Variants in CRTC1 observed in about 807,000 individuals in gnomAD.
The protein encoded by CRTC1 is CREB-regulated transcription coactivator 1.
CRTC1 carries 18 observed loss-of-function variants against 66.1 expected under a neutral mutation model. That is an observed-to-expected ratio of 0.27 (90% CI 0.19 to 0.40). The LOEUF is 0.40. Ranked by LOEUF, CRTC1 falls within the 10% of genes least tolerant of loss-of-function variation. The pLI, the probability that CRTC1 is intolerant of heterozygous loss-of-function variation, is 1.00. For synonymous variants in CRTC1, 416 were observed against 398.8 expected, an observed-to-expected ratio of 1.04 and a Z score of -0.51; for missense variants, 669 against 887.9, an observed-to-expected ratio of 0.75 and a Z score of 3.13.
rs552289373 is a variant in CRTC1, at chr19:18,731,901, C to T, written c.127-11009C>T. ...CGCACACTGGAGCCCGACCCAGGAA[C>T]CCCCTCTCCTCACCCACCCTGCACC... On this transcript the variant is annotated intron_variant, in intron 1 of 13. Coordinates refer to ENST00000321949, the MANE Select transcript of CRTC1 (RefSeq NM_015321.3). Among the ~76,000 whole-genome samples the T allele has an allele frequency of 2.0e-5, 3 of 152,334 alleles. No homozygotes were observed. The South Asian group carries it at 6.2e-4, about 32-fold the overall frequency.
chr19:18,764,445 T>C (rs2054684291), intron 8 of CRTC1, among the ~76,000 whole-genome samples: 1 of 152,248 alleles, frequency 6.6e-6, no homozygotes, highest in Non-Finnish European at 1.5e-5. Context: ...TCGAGGGGCC[T>C]GTTGCCTGCC....
chr19:18,687,712 C>A (rs529277439), intron 1 of CRTC1, among the ~76,000 whole-genome samples: 2 of 152,266 alleles, frequency 1.3e-5, no homozygotes, highest in East Asian at 3.9e-4. Context: ...TTCACAGTTG[C>A]CGGTGGTGAT....
chr19:18,706,135 A>G (rs1476513822), intron 1 of CRTC1, among the ~76,000 whole-genome samples: 2 of 127,918 alleles, frequency 1.6e-5, no homozygotes, highest in African/African-American at 6.0e-5. Context: ...TCACTTGACC[A>G]TATATGTGAC....
At chr19:18,749,760 C>G in intron 4 of CRTC1, 21 bp from the exon 5 acceptor site, 3 of 1,603,816 alleles carry the variant, frequency 1.9e-6, no homozygotes, top group East Asian at 2.2e-5. Flanking sequence ...GGCTCATTGT[C>G]TCTTCCTCCC....
Position 18,780,230 on chromosome 19 carries a change from A to G in CRTC1, c.*2848A>G. 1 of 231,718 alleles carries G rather than the reference A, an allele frequency of 4.3e-6. No individual in the cohort carries two copies. 14.4% of individuals were successfully genotyped at this position (231,718 alleles called of 1,614,324 possible). A position where few individuals can be genotyped will look rare whatever the true frequency, so the allele number is the denominator to read the frequency against. On this transcript the variant is annotated 3_prime_UTR_variant, in exon 14 of 14. Coordinates refer to ENST00000321949, the MANE Select transcript of CRTC1 (RefSeq NM_015321.3). The stretch of plus-strand genomic sequence containing the variant: ...CACTGGGTTAGAGGCTGCTCTCCCC[A>G]CGCACCCATGTGCTCATGGCTTCTG...
chr19:18,742,468 G>C (rs1465666742), intron 1 of CRTC1, among the ~76,000 whole-genome samples: 2 of 152,232 alleles, frequency 1.3e-5, no homozygotes, highest in African/African-American at 2.4e-5. Context: ...CCACGCTTCT[G>C]AGACAGCTTC....
intron 8 of CRTC1, among the ~76,000 whole-genome samples, chr19:18,763,225 C>T (rs147734488): frequency 3.7e-3 from 568 of 152,240 alleles, no homozygotes; most frequent in African/African-American, 0.013. Context: ...GTCAACCTCC[C>T]GAGTAGCTGG....
At chr19:18,717,661 G>A (rs1050187003) in intron 1 of CRTC1, among the ~76,000 whole-genome samples, 1 of 152,166 alleles carries the variant, frequency 6.6e-6, no homozygotes, top group African/African-American at 2.4e-5. Flanking sequence ...CCTACAGTGA[G>A]TATGGGCGGG....
rs778427146 is a variant in CRTC1 at position 18,760,739 on chromosome 19, A to G, written c.886+511A>G. On this transcript the variant is annotated intron_variant, in intron 8 of 13. Coordinates refer to ENST00000321949, the MANE Select transcript of CRTC1 (RefSeq NM_015321.3). This position sits in a 1 kb window ranked among gnomAD's most constrained non-coding sequence, Gnocchi z 6.2. Reference sequence around the variant, plus strand: ...TCGCACAGGCCCCTCGCCCGTCCCAATAGCTCCTGGCGCTGCTGCCGCCCT... The same window carrying G: ...TCGCACAGGCCCCTCGCCCGTCCCAGTAGCTCCTGGCGCTGCTGCCGCCCT... Among the ~76,000 whole-genome samples, 3 of 151,958 alleles carry G rather than the reference A, an allele frequency of 2.0e-5. No individual in the cohort carries two copies. The highest frequency in any genetic ancestry group is 7.3e-5 in the African/African-American group (3 of 41,330).
At chr19:18,745,699 C>T (rs1406678862) in intron 2 of CRTC1, 124 bp from the exon 3 acceptor site, 94 of 1,241,476 alleles carry the variant, frequency 7.6e-5, no homozygotes, top group Non-Finnish European at 1.0e-4. Flanking sequence ...GGCTGTGGAG[C>T]GATGGCCGAG....
At chr19:18,726,297 G>A (rs1243447033) in intron 1 of CRTC1, among the ~76,000 whole-genome samples, 1 of 152,210 alleles carries the variant, frequency 6.6e-6, no homozygotes, top group Non-Finnish European at 1.5e-5. Context: ...GACGTGTGCC[G>A]GCCTCGCTTC....
chr19:18,757,851 C>A (rs1024590771), intron 6 of CRTC1, among the ~76,000 whole-genome samples: 1 of 151,144 alleles, frequency 6.6e-6, no homozygotes, highest in African/African-American at 2.4e-5. Flanking sequence ...CCCGTCTCTA[C>A]TAAAAATACA....
In CRTC1 at chr19:18,750,485, C is replaced by A. The variant is rs956278665; in HGVS notation, c.538+610C>A. 4.6e-5 allele frequency among the ~76,000 whole-genome samples: 7 copies of A among 152,200 alleles called. No homozygotes were observed. In the East Asian group the frequency reaches 1.2e-3, roughly 25 times the overall value. ...TCCAATTTGAAGCCGGGCGTGGAGGCGGCACCCTGGGAACCTTCAAGGAGG... is the reference window on the plus strand; with the variant it reads ...TCCAATTTGAAGCCGGGCGTGGAGGAGGCACCCTGGGAACCTTCAAGGAGG... On this transcript the variant is annotated intron_variant, in intron 5 of 13. Coordinates refer to ENST00000321949, the MANE Select transcript of CRTC1 (RefSeq NM_015321.3).
intron 11 of CRTC1, among the ~76,000 whole-genome samples, chr19:18,774,366 C>T (rs2054936344): frequency 6.6e-6 from 1 of 152,238 alleles, no homozygotes; most frequent in South Asian, 2.1e-4. Context: ...GTCCTGCAGG[C>T]TGGCAGCCCT....
Position 18,771,049 on chromosome 19 carries a change from GGTAT to G in CRTC1, c.1321-388_1321-385del, listed in dbSNP as rs1321528010. ...GCACATGTGTGGGTGTGCATGTGTG[GGTAT>G]GTATATTCTAGTGTGGATATGTGTA... On this transcript the variant is annotated intron_variant, in intron 10 of 13. Coordinates refer to ENST00000321949, the MANE Select transcript of CRTC1 (RefSeq NM_015321.3). This position sits in a 1 kb window ranked among gnomAD's most constrained non-coding sequence, Gnocchi z 4.6. Among the ~76,000 whole-genome samples, 1 of 151,414 alleles carries G rather than the reference GGTAT, an allele frequency of 6.6e-6. No individual in the cohort carries two copies. The highest frequency in any genetic ancestry group is 1.5e-5 in the Non-Finnish European group (1 of 67,834).
At chr19:18,699,829 A>T (rs953570988) in intron 1 of CRTC1, among the ~76,000 whole-genome samples, 1 of 152,040 alleles carries the variant, frequency 6.6e-6, no homozygotes, top group Non-Finnish European at 1.5e-5. Context: ...CTTTGCAAGG[A>T]TCCCATTGGC....
In CRTC1 at chr19:18,768,907, C is replaced by T. The variant is rs566795858; in HGVS notation, c.1320+114C>T. On this transcript the variant is annotated intron_variant, in intron 10 of 13. Transcript: ENST00000321949. This position sits in a 1 kb window ranked among gnomAD's most constrained non-coding sequence, Gnocchi z 5.6. ...CATGGGCCAGGGGTCAGAACCCCAG[C>T]GAACGCTGCCTGGGCCCACCTCTCC... 1.9e-5 allele frequency: 25 copies of T among 1,332,636 alleles called. No homozygotes were observed. Among genetic ancestry groups the T allele is most frequent in the African/African-American group, 4.6e-5 (3 of 65,240 alleles). 82.6% of individuals were successfully genotyped at this position (1,332,636 alleles called of 1,614,324 possible). A position where few individuals can be genotyped will look rare whatever the true frequency, so the allele number is the denominator to read the frequency against.
chr19:18,691,110 G>A (rs2145475450), intron 1 of CRTC1, among the ~76,000 whole-genome samples: 1 of 151,380 alleles, frequency 6.6e-6, no homozygotes, highest in South Asian at 2.1e-4. Flanking sequence ...GCCGAGGCAG[G>A]AGGATTGTTT....
rs757153161 is a variant in CRTC1, at chr19:18,771,391, C to T, written c.1321-51C>T. On this transcript the variant is annotated intron_variant, in intron 10 of 13. Transcript: ENST00000321949. This position sits in a 1 kb window ranked among gnomAD's most constrained non-coding sequence, Gnocchi z 4.6. ...TGCTCCCGGGAAGCAGGGACTGGAG[C>T]CCGGGCTTGGGCAGCTGGGCTGCGG... 4 of 1,503,148 alleles carry T rather than the reference C, an allele frequency of 2.7e-6. No individual in the cohort carries two copies. Among genetic ancestry groups the T allele is most frequent in the Non-Finnish European group, 3.6e-6 (4 of 1,104,414 alleles). The allele number at this position is 1,503,148 out of a possible 1,614,324, so 93.1% of individuals were successfully genotyped here.
Sources: allele counts gnomAD v4.1 joint callset (sites outside exome capture counted in the v4.1 genomes callset), GRCh38; gene constraint gnomAD v4.1.1; non-coding constraint Gnocchi (gnomAD v3.1); transcripts MANE v1.5; gene names NCBI Gene and HGNC (gene_info 2026-07-23, HGNC 2026-07-21).